SLIT2: variants seen among roughly 807,000 people sequenced by gnomAD.
SLIT2 encodes the protein slit homolog 2 protein.
SLIT2 carries 41 observed loss-of-function variants against 185.7 expected under a neutral mutation model. That is an observed-to-expected ratio of 0.22 (90% confidence interval 0.17 to 0.29). The LOEUF (loss-of-function observed/expected upper bound fraction) is 0.29. Among genes scored for constraint, SLIT2 ranks in the 10% least tolerant of loss-of-function variants. The pLI, the probability that SLIT2 is intolerant of heterozygous loss-of-function variation, is 1.00. For synonymous variants in SLIT2, 693 were observed against 680.2 expected (o/e 1.02, Z -0.29); for missense variants, 1,571 against 1,909.0 (o/e 0.82, Z 3.30).
Position 20,523,898 on chromosome 4 carries a change from A to G in SLIT2, c.1269A>G (p.Gln423=). The G allele has an allele frequency of 6.2e-7, 1 of 1,614,098 alleles. No homozygotes were observed. Among genetic ancestry groups the G allele is most frequent in the Non-Finnish European group, 8.5e-7 (1 of 1,179,998 alleles). Residue 423 remains glutamine (Q), a synonymous_variant, in exon 13 of 37, where the codon CAA becomes CAG. Transcript: ENST00000504154. ...KGTFSPLRAI[Q]TMHLAQNPFI... is the part of the protein sequence containing the mutation. ...CCTTTTCACCTCTTCGGGCCATTCA[A>G]ACTATGTATGTATAAGTGATTTGGA...
intron 18 of SLIT2, among the ~76,000 whole-genome samples, chr4:20,534,257 C>G (rs73801861): frequency 3.9e-5 from 6 of 152,118 alleles, no homozygotes; most frequent in Non-Finnish European, 5.9e-5. Context: ...CTGTTTTTTG[C>G]CCCTGCAAGG....
intron 4 of SLIT2, among the ~76,000 whole-genome samples, chr4:20,462,869 A>G (rs571243582): frequency 2.2e-4 from 34 of 152,250 alleles, no homozygotes; most frequent in East Asian, 3.9e-4. Flanking sequence ...ATCGACTACA[A>G]TGATCTTTGG....
At chr4:20,315,421 A>C (rs552290827) in intron 4 of SLIT2, among the ~76,000 whole-genome samples, 37 of 152,284 alleles carry the variant, frequency 2.4e-4, no homozygotes, top group African/African-American at 8.9e-4. Context: ...GTGATATCTT[A>C]AGTGAGAAAA....
At chr4:20,376,537 A>G (rs1219328884) in intron 4 of SLIT2, among the ~76,000 whole-genome samples, 1 of 152,090 alleles carries the variant, frequency 6.6e-6, no homozygotes, top group Admixed American at 6.6e-5. Flanking sequence ...TCCGTGCATC[A>G]GTTTATTTTT....
intron 9 of SLIT2, among the ~76,000 whole-genome samples, chr4:20,505,115 ATTAC>A (rs1466268877): frequency 1.3e-5 from 2 of 152,014 alleles, no homozygotes; most frequent in African/African-American, 2.4e-5. Context: ...ACATATTTTT[ATTAC>A]TTCACTATTT....
At chr4:20,529,856 C>A (rs1420784391) in intron 16 of SLIT2, among the ~76,000 whole-genome samples, 1 of 152,126 alleles carries the variant, frequency 6.6e-6, no homozygotes, top group Non-Finnish European at 1.5e-5. Flanking sequence ...TTATATATAG[C>A]ACCATCTGGT....
intron 4 of SLIT2, among the ~76,000 whole-genome samples, chr4:20,319,491 C>T (rs998969228): frequency 3.3e-5 from 5 of 151,920 alleles, no homozygotes; most frequent in Admixed American, 1.3e-4. Flanking sequence ...ATGATGGATG[C>T]ATCATATTGA....
intron 4 of SLIT2, among the ~76,000 whole-genome samples, chr4:20,276,745 G>C (rs933668764): frequency 1.3e-5 from 2 of 152,268 alleles, no homozygotes; most frequent in African/African-American, 4.8e-5. Context: ...ACAGAGAAAG[G>C]TTGATTGCTT....
chr4:20,595,347 T>C (rs542798553), intron 30 of SLIT2, among the ~76,000 whole-genome samples: 1 of 152,060 alleles, frequency 6.6e-6, no homozygotes, highest in African/African-American at 2.4e-5. Flanking sequence ...TAGGCCAAAC[T>C]GAAAATATAG....
At chr4:20,519,350 C>CT (rs1720610473) in intron 11 of SLIT2, 32 bp from the exon 12 acceptor site, 2 of 1,128,252 alleles carry the variant, frequency 1.8e-6, no homozygotes, top group Non-Finnish European at 2.7e-6. Flanking sequence ...GGTTTGGTGT[C>CT]TAATTTTTTT....
chr4:20,476,338 A>G (rs1023086809), intron 5 of SLIT2, among the ~76,000 whole-genome samples: 1 of 152,120 alleles, frequency 6.6e-6, no homozygotes, highest in Non-Finnish European at 1.5e-5. Flanking sequence ...TTTCTTTACA[A>G]TAGTGAAAAA....
At chr4:20,572,263 T>A (rs549467115) in intron 29 of SLIT2, among the ~76,000 whole-genome samples, 3 of 152,330 alleles carry the variant, frequency 2.0e-5, no homozygotes, top group Admixed American at 6.5e-5. Flanking sequence ...CTTCCAGTTG[T>A]GTAATGCATG....
chr4:20,580,029 A>ATATATATTATGTATATAT (rs898192982), intron 29 of SLIT2, among the ~76,000 whole-genome samples: 1 of 141,056 alleles, frequency 7.1e-6, no homozygotes, highest in Non-Finnish European at 1.5e-5. Flanking sequence ...ATTATATATA[A>ATATATATTATGTATATAT]TATATATTAT....
chr4:20,515,851 T>C (rs1720157175), intron 11 of SLIT2, among the ~76,000 whole-genome samples: 1 of 152,188 alleles, frequency 6.6e-6, no homozygotes, highest in Admixed American at 6.5e-5. Flanking sequence ...AGTCTCGCAC[T>C]GTCACCGAGG....
intron 29 of SLIT2, among the ~76,000 whole-genome samples, chr4:20,586,969 G>C (rs1442280472): frequency 6.6e-6 from 1 of 152,064 alleles, no homozygotes; most frequent in Admixed American, 6.6e-5. Context: ...ATTGGATGCA[G>C]AAAATGTTTT....
chr4:20,509,961 T>C (rs1034615061), intron 9 of SLIT2, among the ~76,000 whole-genome samples: 6 of 152,192 alleles, frequency 3.9e-5, no homozygotes, highest in African/African-American at 1.2e-4. Flanking sequence ...ATATATGGAT[T>C]TATAATTTAA....
chr4:20,363,467 C>A (rs867489287), intron 4 of SLIT2, among the ~76,000 whole-genome samples: 5 of 152,068 alleles, frequency 3.3e-5, no homozygotes, highest in African/African-American at 4.8e-5. Context: ...CACTTCTCTC[C>A]CATGGTAATG....
At chr4:20,330,867 A>ATAT (rs1720006083) in intron 4 of SLIT2, among the ~76,000 whole-genome samples, 1 of 152,104 alleles carries the variant, frequency 6.6e-6, no homozygotes, top group African/African-American at 2.4e-5. Flanking sequence ...AAGGAAAGAG[A>ATAT]CATCCTAATA....
At chr4:20,381,753 TAAAG>T (rs1465426883) in intron 4 of SLIT2, among the ~76,000 whole-genome samples, 2 of 152,096 alleles carry the variant, frequency 1.3e-5, no homozygotes, top group East Asian at 3.9e-4. Context: ...TGCTAACATT[TAAAG>T]AAAGTATAAT....
Sources: gnomAD v4.1 joint callset for allele counts (sites outside exome capture counted in the v4.1 genomes callset) on GRCh38, gnomAD v4.1.1 for gene constraint, MANE v1.5 for transcripts, NCBI Gene and HGNC (gene_info 2026-07-23, HGNC 2026-07-21) for gene names.